The following ITGAX variants were observed in gnomAD, a reference collection of about 807,000 sequenced individuals.
ITGAX encodes integrin subunit alpha X.
ITGAX carries 99 observed loss-of-function variants against 140.2 expected under a neutral mutation model. That is an observed-to-expected ratio of 0.71 (90% CI 0.60 to 0.83). The LOEUF is 0.83. ITGAX is among the 40% of genes least tolerant of loss of function. The pLI, the probability that ITGAX is intolerant of heterozygous loss-of-function variation, is 0.00. For missense variants in ITGAX, 1,444 were observed against 1,482.0 expected, an observed-to-expected ratio of 0.97 and a Z score of 0.42; for synonymous variants, 631 against 600.4, an observed-to-expected ratio of 1.05 and a Z score of -0.75.
chr16:31,371,284 G>C (rs781212674), intron 15 of ITGAX, 50 bp from the exon 16 acceptor site: 1 of 1,609,086 alleles, frequency 6.2e-7, no homozygotes, highest in African/African-American at 1.3e-5. Context: ...ACCCCACGTG[G>C]TGCTCCCAGG....
Position 31,382,036 on chromosome 16 carries a change from T to C in ITGAX, c.*129T>C. The stretch of plus-strand genomic sequence containing the variant: ...GCTGGGATGGGCCTGCTTCCTGTCT[T>C]TGGGAGAAAACGTCTTGCTTGGGAA... On this transcript the variant is annotated 3_prime_UTR_variant, in exon 30 of 30. Coordinates refer to ENST00000268296, the MANE Select transcript of ITGAX (RefSeq NM_000887.5). 6.9e-7 allele frequency: 1 copy of C among 1,450,324 alleles called. No homozygotes were observed. Among genetic ancestry groups the C allele is most frequent in the Non-Finnish European group, 9.0e-7 (1 of 1,106,056 alleles). The allele number at this position is 1,450,324 out of a possible 1,614,324, so 89.8% of individuals were successfully genotyped here.
At chr16:31,357,159 C>CG in intron 4 of ITGAX, 58 bp downstream of exon 4, 6 of 1,568,372 alleles carry the variant, frequency 3.8e-6, no homozygotes, top group Middle Eastern at 1.8e-4. Context: ...GCCGGGGCCG[C>CG]GGGGGGCTGG....
chr16:31,374,842 G>A (rs1435953459), intron 20 of ITGAX, among the ~76,000 whole-genome samples: 3 of 152,136 alleles, frequency 2.0e-5, no homozygotes, highest in African/African-American at 7.2e-5. Context: ...TTCGTGTGTT[G>A]GACACTTAAT....
At chr16:31,377,960 G>C (rs960807908) in intron 23 of ITGAX, among the ~76,000 whole-genome samples, 1 of 152,206 alleles carries the variant, frequency 6.6e-6, no homozygotes, top group Non-Finnish European at 1.5e-5. Flanking sequence ...CAGAGTAGGC[G>C]TGGTGGGCTG....
At chr16:31,367,102 A>G (rs2080900075) in intron 14 of ITGAX, among the ~76,000 whole-genome samples, 1 of 152,220 alleles carries the variant, frequency 6.6e-6, no homozygotes, top group Admixed American at 6.5e-5. Context: ...GCAAGGTCCG[A>G]ATGCTCTTCA....
Position 31,372,681 on chromosome 16 carries a change from C to T in ITGAX, c.2366+11C>T. 1 of 1,612,144 alleles carries T rather than the reference C, an allele frequency of 6.2e-7. No individual in the cohort carries two copies. The highest frequency in any genetic ancestry group is 8.5e-7 in the Non-Finnish European group (1 of 1,178,556). ...CTTCAGCTTCCCAGGGTGAGCGCCC[C>T]CACCTTAGACCTGCCCTACTGCCCC... On this transcript the variant is annotated intron_variant, in intron 19 of 29. Coordinates refer to ENST00000268296, the MANE Select transcript of ITGAX (RefSeq NM_000887.5).
chr16:31,360,662 G>C (rs1211146319), intron 8 of ITGAX, 199 bp downstream of exon 8: 18 of 578,442 alleles, frequency 3.1e-5, no homozygotes, highest in African/African-American at 1.9e-5. Flanking sequence ...TGGGACCACA[G>C]GTGTGTGCCA....
chr16:31,362,467 G>C, intron 11 of ITGAX, 144 bp from the exon 12 acceptor site: 4 of 1,228,354 alleles, frequency 3.3e-6, no homozygotes, highest in Non-Finnish European at 4.4e-6. Context: ...CCAGGGTTCT[G>C]GGGAGAGAGG....
chr16:31,369,454 C>T (rs548312243), intron 14 of ITGAX, among the ~76,000 whole-genome samples: 1 of 152,346 alleles, frequency 6.6e-6, no homozygotes, highest in South Asian at 2.1e-4. Context: ...ATCGCATGCT[C>T]CAGAGAAATT....
At chr16:31,358,756 G>A (rs910544757) in intron 5 of ITGAX, among the ~76,000 whole-genome samples, 6 of 152,132 alleles carry the variant, frequency 3.9e-5, no homozygotes, top group African/African-American at 1.2e-4. Context: ...AGATATCCAG[G>A]GTGGTGGAGG....
intron 19 of ITGAX, 83 bp downstream of exon 19, chr16:31,372,753 C>T: frequency 7.6e-7 from 1 of 1,307,940 alleles, no homozygotes; most frequent in Non-Finnish European, 1.1e-6. Context: ...CTCTCCCTAA[C>T]ATTGTCTCAT....
rs371564736 is a variant in ITGAX at position 31,372,624 on chromosome 16, G to A, written c.2320G>A (p.Asp774Asn). The change falls in exon 19 of 30, where the codon GAC (aspartate) becomes AAC (asparagine). Residue 774 changes from aspartate (D) to asparagine (N), a missense_variant. Asp to Asn is a conservative substitution (Grantham distance 23, BLOSUM62 1). Coordinates refer to ENST00000268296, the MANE Select transcript of ITGAX (RefSeq NM_000887.5). Reference protein sequence around the residue: ...SLPFEKNCGADHICQDNLGIS... With the variant: ...SLPFEKNCGANHICQDNLGIS... Reference sequence around the variant, plus strand: ...ACCCTTTGAGAAGAACTGTGGAGCCGACCATATCTGCCAGGACAATCTCGG... The same window carrying A: ...ACCCTTTGAGAAGAACTGTGGAGCCAACCATATCTGCCAGGACAATCTCGG... The A allele has an allele frequency of 1.5e-5, 25 of 1,614,086 alleles. No individual in the cohort carries two copies. In the Admixed American group the frequency reaches 3.0e-4, roughly 19 times the overall value.
At chr16:31,366,922 T>C (rs555249563) in intron 14 of ITGAX, among the ~76,000 whole-genome samples, 1 of 152,312 alleles carries the variant, frequency 6.6e-6, no homozygotes, top group Non-Finnish European at 1.5e-5. Context: ...ACAGCCAAAT[T>C]CTGAATGCAA....
In ITGAX at chr16:31,368,497, CA is replaced by C. The variant is rs34411912; in HGVS notation, c.1711-2570del. Among the ~76,000 whole-genome samples, 1,239 of 125,392 alleles carry C rather than the reference CA, an allele frequency of 9.9e-3. 18 individuals are homozygous for C. Among genetic ancestry groups the C allele is most frequent in the African/African-American group, 0.036 (1,173 of 32,520 alleles). The allele number at this position is 125,392 out of a possible 152,430, so 82.3% of individuals were successfully genotyped here. A position where few individuals can be genotyped will look rare whatever the true frequency, so the allele number is the denominator to read the frequency against. ...TGGGCGACAGAGTGAAAGTGTGTCT[CA>C]AAAAAAAAAAAAAAAAGAATATTAT... On this transcript the variant is annotated intron_variant, in intron 14 of 29. Transcript: ENST00000268296.
chr16:31,368,817 G>T (rs1159609546), intron 14 of ITGAX, among the ~76,000 whole-genome samples: 2 of 151,354 alleles, frequency 1.3e-5, no homozygotes, highest in African/African-American at 2.4e-5. Flanking sequence ...CTCTTAACGA[G>T]CATGCTGCCT....
At chr16:31,377,331 A>AAC in intron 23 of ITGAX, 66 bp downstream of exon 23, 1 of 1,361,866 alleles carries the variant, frequency 7.3e-7, no homozygotes, top group East Asian at 2.3e-5. Context: ...AAAAAAAAAA[A>AAC]AGGCCTTGAA....
rs2081078263 is a variant in ITGAX, at chr16:31,382,428, A to C, written c.*521A>C. On this transcript the variant is annotated 3_prime_UTR_variant, in exon 30 of 30. Transcript: ENST00000268296. ...GCCCGGCCCGATCTTTCTAAAATAC[A>C]GTTCTGAATATGCTGCTCATCCCCA... The C allele has an allele frequency of 1.3e-6, 2 of 1,534,758 alleles. No individual in the cohort carries two copies.
chr16:31,360,532 G>A, intron 8 of ITGAX, 69 bp downstream of exon 8: 2 of 1,408,028 alleles, frequency 1.4e-6, no homozygotes, highest in Non-Finnish European at 1.9e-6. Flanking sequence ...TTCTGTGTAT[G>A]TTCTTTTCTC....
chr16:31,376,345 A>G (rs777990073), intron 20 of ITGAX, among the ~76,000 whole-genome samples: 6 of 152,174 alleles, frequency 3.9e-5, no homozygotes, highest in Non-Finnish European at 7.3e-5. Context: ...CCTTGGCTGG[A>G]CATGGTGGCT....
Sources: allele counts gnomAD v4.1 joint callset (sites outside exome capture counted in the v4.1 genomes callset), GRCh38; gene constraint gnomAD v4.1.1; transcripts MANE v1.5; gene names NCBI Gene and HGNC (gene_info 2026-07-23, HGNC 2026-07-21).